Variants in EMC1 observed in about 807,000 individuals in gnomAD.
The protein encoded by EMC1 is KIAA0090.
In EMC1, 103 loss-of-function variants were observed where a neutral mutation model predicts 128.8. That is an observed-to-expected ratio of 0.80 (90% confidence interval 0.68 to 0.94). The LOEUF (loss-of-function observed/expected upper bound fraction) is 0.94. Among genes scored for constraint, EMC1 ranks in the 40% least tolerant of loss-of-function variants. The pLI, the probability that EMC1 is intolerant of heterozygous loss-of-function variation, is 0.00. For missense variants in EMC1, 1,083 were observed against 1,250.6 expected (o/e 0.87, Z 2.02); for synonymous variants, 442 against 490.4 (o/e 0.90, Z 1.30).
chr1:19,220,542 T>C, intron 21 of EMC1: 1 of 392,472 alleles, frequency 2.5e-6, no homozygotes, highest in Non-Finnish European at 4.6e-6. Flanking sequence ...TTTGAGTACC[T>C]AACATAGTAT....
intron 18 of EMC1, among the ~76,000 whole-genome samples, chr1:19,225,818 CA>C (rs34138339): frequency 0.038 from 4,217 of 110,532 alleles, 66 homozygotes; most frequent in South Asian, 0.077. Flanking sequence ...GACCCTGTCT[CA>C]AAAAAAAAAA....
chr1:19,251,064 G>A (rs748595368), intron 1 of EMC1, among the ~76,000 whole-genome samples: 2 of 152,152 alleles, frequency 1.3e-5, no homozygotes, highest in Non-Finnish European at 2.9e-5. Context: ...CTGACAGCTT[G>A]GCGACCTCTG....
Position 19,234,793 on chromosome 1 carries a change from C to G in EMC1, c.1432+337G>C, listed in dbSNP as rs530373070. On this transcript the variant is annotated intron_variant, in intron 13 of 22. Coordinates refer to ENST00000477853, the MANE Select transcript of EMC1 (RefSeq NM_015047.3). ...CCTGGGAGGCAGAGGTTGCAGTGAG[C>G]CAAGATCGCGCCACTGCACTCCAGC... Among the ~76,000 whole-genome samples the G allele has an allele frequency of 3.9e-4, 60 of 152,162 alleles. 1 individual carries two copies. Among genetic ancestry groups the G allele is most frequent in the African/African-American group, 1.3e-3 (56 of 41,516 alleles).
rs752777483 is a variant in EMC1, at chr1:19,239,917, G to A, written c.855C>T (p.Asp285=). Reference sequence around the variant, plus strand: ...GCAGGAAGAACTGGGCCCGGGAAGCGTCCACTGGGTTGGGCTGGGTAGGCA... The same window carrying A: ...GCAGGAAGAACTGGGCCCGGGAAGCATCCACTGGGTTGGGCTGGGTAGGCA... The part of the protein sequence containing the change: ...RVLPTQPNPV[D]ASRAQFFLHL... The change falls in exon 8 of 23, where the codon GAC becomes GAT. Residue 285 remains aspartate (D), a synonymous_variant. Coordinates refer to ENST00000477853, the MANE Select transcript of EMC1 (RefSeq NM_015047.3). The A allele has an allele frequency of 3.5e-5, 56 of 1,614,012 alleles. No individual in the cohort carries two copies. Among genetic ancestry groups the A allele is most frequent in the East Asian group, 1.6e-4 (7 of 44,882 alleles).
Position 19,219,694 on chromosome 1 carries a change from CCT to C in EMC1, c.2675_2676del (p.Glu892GlyfsTer21), listed in dbSNP as rs778017096. On this transcript the variant is annotated frameshift_variant and splice_region_variant, in exon 22 of 23. Coordinates refer to ENST00000477853, the MANE Select transcript of EMC1 (RefSeq NM_015047.3). LOFTEE classifies it high-confidence loss of function. ...RPEIPTEQSR[E>X]ENLIPYSPDV... ...TCTGGAGAATACGGGATTAAGTTCT[CCT>C]CTCTGCAAAACACCAGCCGGGACAG... The C allele has an allele frequency of 5.6e-6, 9 of 1,614,036 alleles. No individual in the cohort carries two copies. The highest frequency in any genetic ancestry group is 2.2e-5 in the East Asian group (1 of 44,846).
chr1:19,237,767 G>A (rs1037269156), intron 11 of EMC1, among the ~76,000 whole-genome samples: 1 of 152,224 alleles, frequency 6.6e-6, no homozygotes, highest in Non-Finnish European at 1.5e-5. Context: ...CTTCATGAGA[G>A]TGTTTGGAGG....
intron 13 of EMC1, 32 bp from the exon 14 acceptor site, chr1:19,233,167 T>A (rs1401223482): frequency 6.3e-7 from 1 of 1,578,114 alleles, no homozygotes; most frequent in Non-Finnish European, 8.7e-7. Flanking sequence ...ATACTCTACA[T>A]CAGACTAGGG....
intron 2 of EMC1, 69 bp downstream of exon 2, chr1:19,244,837 G>T: frequency 6.3e-7 from 1 of 1,577,562 alleles, no homozygotes; most frequent in Non-Finnish European, 8.7e-7. Context: ...GAATCAGCCA[G>T]GCAGAGTTGG....
Position 19,219,335 on chromosome 1 carries a change from G to T in EMC1, c.2950C>A (p.Gln984Lys), listed in dbSNP as rs1427612524. ...CAGGCCCGATTCAGGAGCTTCACCT[G>T]TGCCAGTCTCTTAGTGATCATGGTG... ...FATMITKRLA[Q>K]VKLLNRAWR is the part of the protein sequence containing the mutation. The change falls in exon 23 of 23, where the codon CAG becomes AAG. Residue 984 changes from glutamine (Q) to lysine (K), a missense_variant. Gln to Lys is a moderately conservative substitution (Grantham distance 53). Coordinates refer to ENST00000477853, the MANE Select transcript of EMC1 (RefSeq NM_015047.3). 6.2e-7 allele frequency: 1 copy of T among 1,613,924 alleles called. No homozygotes were observed. Among genetic ancestry groups the T allele is most frequent in the Non-Finnish European group, 8.5e-7 (1 of 1,180,030 alleles).
intron 13 of EMC1, 69 bp from the exon 14 acceptor site, chr1:19,233,204 TA>T: frequency 7.4e-7 from 1 of 1,349,634 alleles, no homozygotes; most frequent in Non-Finnish European, 1.0e-6. Flanking sequence ...ATGATTTTCC[TA>T]ATGAGGGATC....
In EMC1 at chr1:19,237,153, A is replaced by C; in HGVS notation, c.1298T>G (p.Leu433Arg). The C allele has an allele frequency of 1.2e-6, 2 of 1,613,456 alleles. No individual in the cohort carries two copies. Among genetic ancestry groups the C allele is most frequent in the Non-Finnish European group, 1.7e-6 (2 of 1,179,420 alleles). ...VQTEDHLLLF[L>R]QQLAGKVVLW... ...TGAGGTCTACTTACCCAACTGCTGC[A>C]GGAAAAGTAGCAGATGATCCTCTGT... is the stretch of plus-strand genomic sequence containing the variant. Residue 433 changes from leucine (L) to arginine (R), a missense_variant, in exon 12 of 23, where the codon CTG becomes CGG. Leu to Arg is a moderately radical substitution (Grantham distance 102, BLOSUM62 -2). Transcript: ENST00000477853.
chr1:19,216,233 C>CAAAGAAAAAAA lies in EMC1; in HGVS notation c.*3069_*3070insTTTTTTTCTTT, dbSNP rs1553250495. ...GCCTGGGTGACAGAGACCCTGCCTC[C>CAAAGAAAAAAA]AAAAAAAAAGCAATTTATAAAGGCA... On this transcript the variant is annotated 3_prime_UTR_variant, in exon 23 of 23. Coordinates refer to ENST00000477853, the MANE Select transcript of EMC1 (RefSeq NM_015047.3). 10 of 129,512 alleles carry CAAAGAAAAAAA rather than the reference C, an allele frequency of 7.7e-5. No homozygotes were observed. Among genetic ancestry groups the CAAAGAAAAAAA allele is most frequent in the African/African-American group, 2.8e-4 (10 of 35,216 alleles). 8.0% of individuals were successfully genotyped at this position (129,512 alleles called of 1,614,324 possible). A position where few individuals can be genotyped will look rare whatever the true frequency, so the allele number is the denominator to read the frequency against.
chr1:19,234,975 T>C (rs1037473096), intron 13 of EMC1, among the ~76,000 whole-genome samples, 155 bp downstream of exon 13: 1 of 152,140 alleles, frequency 6.6e-6, no homozygotes, highest in Admixed American at 6.5e-5. Flanking sequence ...CATATGGCCA[T>C]GAATGCACCG....
At position 19,239,891 on chromosome 1, in the gene EMC1, T is replaced by G. The variant is rs772900959; in HGVS notation, c.881A>C (p.His294Pro). The change falls in exon 8 of 23, where the codon CAC (histidine) becomes CCC (proline). Residue 294 changes from histidine (H) to proline (P), a missense_variant. Physicochemically the swap from His to Pro is moderately conservative, Grantham distance 77 (BLOSUM62 -2). This residue lies in a region of EMC1 where 544 missense variants were observed against 572.4 expected (regional missense o/e 0.95). Coordinates refer to ENST00000477853, the MANE Select transcript of EMC1 (RefSeq NM_015047.3). ...VDASRAQFFL[H>P]LSPSHYALLQ... Reference sequence around the variant, plus strand: ...CAGAGCATAGTGGCTTGGGGACAAGTGCAGGAAGAACTGGGCCCGGGAAGC... The same window carrying G: ...CAGAGCATAGTGGCTTGGGGACAAGGGCAGGAAGAACTGGGCCCGGGAAGC... The G allele has an allele frequency of 6.8e-6, 11 of 1,613,970 alleles. No individual in the cohort carries two copies. The Admixed American group carries it at 1.3e-4, about 20-fold the overall frequency.
chr1:19,243,467 CAT>C, intron 4 of EMC1, 145 bp downstream of exon 4: 1 of 697,276 alleles, frequency 1.4e-6, no homozygotes, highest in Admixed American at 2.3e-5. Context: ...GCTGAGCAAG[CAT>C]ATCCACAATG....
intron 15 of EMC1, among the ~76,000 whole-genome samples, chr1:19,231,935 C>T (rs2093525850): frequency 6.6e-6 from 1 of 151,846 alleles, no homozygotes; most frequent in Admixed American, 6.6e-5. Context: ...TCTGCCAGTT[C>T]TAAACAAGAA....
intron 6 of EMC1, chr1:19,240,759 T>G: frequency 1.7e-6 from 1 of 575,784 alleles, no homozygotes; most frequent in Non-Finnish European, 3.1e-6. Context: ...CCTACTGTGA[T>G]TTCACAGCAC....
chr1:19,238,755 C>T (rs1457985793), intron 10 of EMC1, 40 bp downstream of exon 10: 6 of 1,428,200 alleles, frequency 4.2e-6, no homozygotes, highest in South Asian at 3.5e-5. Context: ...TGGCCTCCTG[C>T]GTCTCTAGGT....
chr1:19,233,986 A>G (rs897232781), intron 13 of EMC1, among the ~76,000 whole-genome samples: 2 of 152,072 alleles, frequency 1.3e-5, no homozygotes, highest in African/African-American at 4.8e-5. Flanking sequence ...TGCTTATCTT[A>G]TTTTCCACCC....
Sources: gnomAD v4.1 joint callset for allele counts (sites outside exome capture counted in the v4.1 genomes callset) on GRCh38, gnomAD v4.1.1 for gene constraint, gnomAD v4.1.1 regional missense constraint, MANE v1.5 for transcripts, NCBI Gene and HGNC (gene_info 2026-07-23, HGNC 2026-07-21) for gene names.